Variants in LDB2 observed in about 807,000 individuals in gnomAD.
LDB2 encodes the protein LIM domain binding 2.
A neutral mutation model predicts 44.3 loss-of-function variants in LDB2; 12 were observed. The ratio of observed to expected loss-of-function variants is 0.27; its 90% CI spans 0.17 to 0.44. The LOEUF is 0.44. Among genes scored for constraint, LDB2 ranks in the 20% least tolerant of loss-of-function variants. The pLI is 1.00. For missense variants in LDB2, 344 were observed against 473.5 expected, an observed-to-expected ratio of 0.73 and a Z score of 2.54; for synonymous variants, 164 against 174.8, an observed-to-expected ratio of 0.94 and a Z score of 0.49.
At chr4:16,576,983 A>G (rs1560523984) in intron 5 of LDB2, among the ~76,000 whole-genome samples, 1 of 152,324 alleles carries the variant, frequency 6.6e-6, no homozygotes, top group East Asian at 1.9e-4. Context: ...GACGAAAGCC[A>G]TACGATCATT....
chr4:16,560,104 A>G (rs1741468851), intron 5 of LDB2, among the ~76,000 whole-genome samples: 1 of 152,252 alleles, frequency 6.6e-6, no homozygotes, highest in Non-Finnish European at 1.5e-5. Flanking sequence ...AATGCCCACA[A>G]GAGAAAGCAG....
chr4:16,688,955 CTTTA>C (rs1749926041), intron 2 of LDB2, among the ~76,000 whole-genome samples: 2 of 152,310 alleles, frequency 1.3e-5, no homozygotes, highest in African/African-American at 4.8e-5. Context: ...ATAACAAACA[CTTTA>C]TTTATTTCAA....
intron 5 of LDB2, among the ~76,000 whole-genome samples, chr4:16,557,744 G>C (rs1380015665): frequency 6.6e-6 from 1 of 152,226 alleles, no homozygotes; most frequent in Non-Finnish European, 1.5e-5. Flanking sequence ...GGAGATCTGA[G>C]AATGGGCAGA....
At chr4:16,606,593 ATAAT>A (rs535023153) in intron 2 of LDB2, among the ~76,000 whole-genome samples, 292 of 152,344 alleles carry the variant, frequency 1.9e-3, no homozygotes, top group African/African-American at 6.7e-3. Flanking sequence ...ATAAAGGTAA[ATAAT>A]TAATGACAGG....
intron 2 of LDB2, among the ~76,000 whole-genome samples, chr4:16,688,585 A>G (rs1364088552): frequency 6.6e-6 from 1 of 152,248 alleles, no homozygotes; most frequent in Non-Finnish European, 1.5e-5. Flanking sequence ...ATAATAATAA[A>G]TTATAATAAA....
intron 2 of LDB2, among the ~76,000 whole-genome samples, chr4:16,738,915 C>T (rs1466723727): frequency 6.6e-6 from 1 of 152,130 alleles, no homozygotes. Context: ...ATGAGAGGGG[C>T]AGTTTAAAAC....
At chr4:16,879,954 C>T (rs1003811542) in intron 1 of LDB2, among the ~76,000 whole-genome samples, 1 of 152,144 alleles carries the variant, frequency 6.6e-6, no homozygotes, top group Non-Finnish European at 1.5e-5. Flanking sequence ...ACTCTCTTTA[C>T]ACCTGCAGAA....
At chr4:16,519,614 C>T (rs952800088) in intron 5 of LDB2, among the ~76,000 whole-genome samples, 1 of 149,026 alleles carries the variant, frequency 6.7e-6, no homozygotes, top group South Asian at 2.1e-4. Context: ...GTTCCAAAAC[C>T]TACACAGAGA....
rs563984393 is a variant in LDB2, at chr4:16,710,069, A to G, written c.235+49089T>C. On this transcript the variant is annotated intron_variant, in intron 2 of 7. Coordinates refer to ENST00000304523, the MANE Select transcript of LDB2 (RefSeq NM_001290.5). The stretch of plus-strand genomic sequence containing the variant: ...ATACACTACCAAGTTTGCCATAGAT[A>G]ATGTGTCATATATAGCTTAAATCCT... 6.6e-4 allele frequency among the ~76,000 whole-genome samples: 101 copies of G among 152,340 alleles called. 2 individuals are homozygous for G. Among genetic ancestry groups the G allele is most frequent in the South Asian group, 2.1e-3 (10 of 4,826 alleles).
chr4:16,509,985 C>G (rs776943662), intron 6 of LDB2, among the ~76,000 whole-genome samples: 1 of 152,088 alleles, frequency 6.6e-6, no homozygotes, highest in Admixed American at 6.5e-5. Context: ...TGTGGTGATA[C>G]GCACCAGGGG....
chr4:16,579,676 G>A (rs1713496131), intron 5 of LDB2, among the ~76,000 whole-genome samples: 1 of 152,126 alleles, frequency 6.6e-6, no homozygotes, highest in African/African-American at 2.4e-5. Context: ...GAAGTTCTAG[G>A]TAGTGATTTT....
intron 1 of LDB2, among the ~76,000 whole-genome samples, chr4:16,787,616 A>G (rs1167241034): frequency 6.6e-6 from 1 of 152,028 alleles, no homozygotes; most frequent in Non-Finnish European, 1.5e-5. Flanking sequence ...TCCATCTCAG[A>G]AAAAAAAGAG....
At chr4:16,571,700 G>C (rs1364918725) in intron 5 of LDB2, among the ~76,000 whole-genome samples, 1 of 152,138 alleles carries the variant, frequency 6.6e-6, no homozygotes, top group Non-Finnish European at 1.5e-5. Flanking sequence ...TGTCTATTTA[G>C]GATTAAATGA....
intron 1 of LDB2, among the ~76,000 whole-genome samples, chr4:16,897,933 T>TACAC (rs1725702938): frequency 7.1e-5 from 1 of 14,114 alleles, no homozygotes; most frequent in East Asian, 5.3e-3. Context: ...TATATATATA[T>TACAC]ATATACACAT....
At chr4:16,737,478 C>T (rs1762127414) in intron 2 of LDB2, among the ~76,000 whole-genome samples, 1 of 151,772 alleles carries the variant, frequency 6.6e-6, no homozygotes, top group South Asian at 2.1e-4. Context: ...GATGTGTACA[C>T]AAAAAATTAA....
At chr4:16,589,797 C>A (rs1414027163) in intron 3 of LDB2, among the ~76,000 whole-genome samples, 2 of 152,032 alleles carry the variant, frequency 1.3e-5, no homozygotes, top group Admixed American at 1.3e-4. Flanking sequence ...TACAAAATAG[C>A]GGGCGGATAC....
chr4:16,519,591 C>A (rs1725202940), intron 5 of LDB2, among the ~76,000 whole-genome samples: 3 of 149,378 alleles, frequency 2.0e-5, no homozygotes, highest in Non-Finnish European at 4.5e-5. Context: ...GGGTTTGAAC[C>A]CAGATGAATC....
intron 5 of LDB2, chr4:16,581,446 A>AT (rs1446218418): frequency 5.1e-6 from 5 of 985,138 alleles, no homozygotes; most frequent in Non-Finnish European, 6.0e-6. Flanking sequence ...AATCTTTTGA[A>AT]TTATATCACT....
chr4:16,811,111 T>C (rs1234639620), intron 1 of LDB2, among the ~76,000 whole-genome samples: 1 of 152,210 alleles, frequency 6.6e-6, no homozygotes, highest in Non-Finnish European at 1.5e-5. Context: ...TATCAGTCTA[T>C]GGCCCGGGGG....
Sources: allele counts gnomAD v4.1 joint callset (sites outside exome capture counted in the v4.1 genomes callset), GRCh38; gene constraint gnomAD v4.1.1; transcripts MANE v1.5; gene names NCBI Gene and HGNC (gene_info 2026-07-23, HGNC 2026-07-21).